Variants in TBPL2 observed in about 807,000 individuals in gnomAD.
TBPL2 encodes the protein TATA box-binding protein-like 2.
TBPL2 carries 40 observed loss-of-function variants against 38.2 expected under a neutral mutation model. That is an observed-to-expected ratio of 1.05 (90% CI 0.81 to 1.36). TBPL2 has a LOEUF of 1.36. Among genes scored for constraint, TBPL2 ranks in the 40% most tolerant of loss-of-function variants. The probability of loss-of-function intolerance (pLI) is 0.00; values close to 1 mark genes in which losing one functional copy is unlikely to be tolerated. For synonymous variants in TBPL2, 169 were observed against 171.7 expected (o/e 0.98, Z 0.12); for missense variants, 461 against 456.7 (o/e 1.01, Z -0.09).
intron 1 of TBPL2, among the ~76,000 whole-genome samples, chr14:55,439,807 T>C (rs907734657): frequency 3.3e-5 from 5 of 151,314 alleles, no homozygotes; most frequent in African/African-American, 1.2e-4. Context: ...GGCGGGCTCC[T>C]GTAGTCCCAG....
intron 5 of TBPL2, among the ~76,000 whole-genome samples, chr14:55,428,456 C>G (rs2341538): frequency 0.69 from 105,508 of 151,932 alleles, 36,778 homozygotes; most frequent in South Asian, 0.74. Flanking sequence ...CTGTAGATTA[C>G]TGGATCTCAA....
chr14:55,440,476 G>C (rs1318614650), exon 1 of TBPL2: 1 of 1,612,648 alleles, frequency 6.2e-7, no homozygotes, highest in South Asian at 1.1e-5. Context: ...GTTGGGGGTG[G>C]GGGCGGGTAA....
At chr14:55,426,434 T>C (rs1202089980) in intron 5 of TBPL2, among the ~76,000 whole-genome samples, 1 of 152,150 alleles carries the variant, frequency 6.6e-6, no homozygotes, top group Non-Finnish European at 1.5e-5. Flanking sequence ...GGAAACTGAA[T>C]GACCTTAGGG....
intron 1 of TBPL2, 95 bp from the exon 2 acceptor site, chr14:55,437,113 T>C (rs1423854364): frequency 9.1e-7 from 1 of 1,098,640 alleles, no homozygotes; most frequent in African/African-American, 1.5e-5. Flanking sequence ...GCAGGCAATG[T>C]ATTCAGTGTA....
At chr14:55,422,486 T>C (rs767135812) in intron 6 of TBPL2, among the ~76,000 whole-genome samples, 7 of 152,068 alleles carry the variant, frequency 4.6e-5, no homozygotes, top group Non-Finnish European at 8.8e-5. Context: ...CCTGACCTCA[T>C]AATTCGCCTG....
chr14:55,429,539 A>T (rs1459629179), intron 4 of TBPL2, among the ~76,000 whole-genome samples: 1 of 152,168 alleles, frequency 6.6e-6, no homozygotes, highest in South Asian at 2.1e-4. Context: ...TGAGGCAGGC[A>T]GCTCACCTGA....
chr14:55,421,084 A>AAGAAATT (rs1448393167), intron 6 of TBPL2, among the ~76,000 whole-genome samples: 1 of 151,824 alleles, frequency 6.6e-6, no homozygotes, highest in Non-Finnish European at 1.5e-5. Context: ...AAAAAGAAAA[A>AAGAAATT]AGAAATTTGG....
chr14:55,437,386 G>A (rs909737062), intron 1 of TBPL2, among the ~76,000 whole-genome samples: 2 of 152,240 alleles, frequency 1.3e-5, no homozygotes, highest in East Asian at 1.9e-4. Context: ...GCTGAGGCAT[G>A]AGAATCTCTT....
At chr14:55,428,321 G>A (rs1241827719) in intron 5 of TBPL2, among the ~76,000 whole-genome samples, 7 of 151,792 alleles carry the variant, frequency 4.6e-5, no homozygotes, top group African/African-American at 1.7e-4. Flanking sequence ...AGTAGAGACA[G>A]GGTTTCACCG....
chr14:55,428,637 T>C (rs560089282), intron 5 of TBPL2, among the ~76,000 whole-genome samples, 170 bp downstream of exon 5: 34 of 146,746 alleles, frequency 2.3e-4, no homozygotes, highest in African/African-American at 9.1e-4. Flanking sequence ...ACTGGGCACA[T>C]GTGGTAACCT....
chr14:55,439,848 G>A (rs1422202944), intron 1 of TBPL2, among the ~76,000 whole-genome samples: 3 of 149,428 alleles, frequency 2.0e-5, no homozygotes, highest in Non-Finnish European at 4.4e-5. Context: ...GGAGAATGGC[G>A]TGAACCTGGG....
chr14:55,421,168 AATTTGCACTTTTAATAAGATTT>A (rs1274376492), intron 6 of TBPL2, among the ~76,000 whole-genome samples: 2 of 152,150 alleles, frequency 1.3e-5, no homozygotes, highest in Non-Finnish European at 2.9e-5. Flanking sequence ...TGTATTTGGC[AATTTGCACTTTTAATAAGATTT>A]ATTTGTAATG....
At chr14:55,435,465 G>A (rs908049874) in intron 3 of TBPL2, among the ~76,000 whole-genome samples, 7 of 151,938 alleles carry the variant, frequency 4.6e-5, no homozygotes, top group African/African-American at 1.7e-4. Flanking sequence ...TAGTAGAGAC[G>A]GGATTTCACC....
chr14:55,430,474 A>G (rs1885908776), intron 4 of TBPL2, among the ~76,000 whole-genome samples: 1 of 151,018 alleles, frequency 6.6e-6, no homozygotes, highest in Non-Finnish European at 1.5e-5. Context: ...TGGCATGATC[A>G]TAGCTCACTG....
At chr14:55,419,114 C>T (rs1312925767) in intron 6 of TBPL2, among the ~76,000 whole-genome samples, 1 of 152,218 alleles carries the variant, frequency 6.6e-6, no homozygotes, top group Admixed American at 6.5e-5. Flanking sequence ...AAGAAGTTGG[C>T]CAGGAGACCA....
At chr14:55,435,713 C>T in intron 3 of TBPL2, 134 bp downstream of exon 3, 2 of 604,642 alleles carry the variant, frequency 3.3e-6, no homozygotes, top group Non-Finnish European at 5.7e-6. Flanking sequence ...AGATATTAAC[C>T]CTGAGTTGCC....
chr14:55,435,605 A>G (rs1208420555), intron 3 of TBPL2, among the ~76,000 whole-genome samples: 2 of 152,172 alleles, frequency 1.3e-5, no homozygotes, highest in Non-Finnish European at 2.9e-5. Context: ...ACTAAAAAAT[A>G]TTTTTGAATG....
At chr14:55,426,032 C>T (rs1021279599) in intron 5 of TBPL2, among the ~76,000 whole-genome samples, 2 of 152,026 alleles carry the variant, frequency 1.3e-5, no homozygotes, top group Non-Finnish European at 2.9e-5. Context: ...CTTGGGAAGT[C>T]GAGGTGGGTG....
chr14:55,435,965 A>T, intron 2 of TBPL2, 31 bp from the exon 3 acceptor site: 1 of 1,343,300 alleles, frequency 7.4e-7, no homozygotes, highest in Non-Finnish European at 1.0e-6. Context: ...AGAAACTTAT[A>T]TCAGATATAA....
Sources: gnomAD v4.1 joint callset for allele counts (sites outside exome capture counted in the v4.1 genomes callset) on GRCh38, gnomAD v4.1.1 for gene constraint, MANE v1.5 for transcripts, NCBI Gene and HGNC (gene_info 2026-07-23, HGNC 2026-07-21) for gene names.